Variants in RANBP2 observed in about 807,000 individuals in gnomAD.
RANBP2 encodes E3 SUMO-protein ligase RanBP2.
A neutral mutation model predicts 303.6 loss-of-function variants in RANBP2; 57 were observed. The observed-to-expected ratio is 0.19, with a 90% CI of 0.15 to 0.23. The LOEUF is 0.23. RANBP2 is among the 10% of genes least tolerant of loss of function. RANBP2 has a pLI of 1.00. For missense variants in RANBP2, 3,138 were observed against 3,780.8 expected (o/e 0.83, Z 4.46); for synonymous variants, 1,167 against 1,301.5 (o/e 0.90, Z 2.23).
At chr2:109,356,322 T>C in the RANBP2 span, among the ~76,000 whole-genome samples, 2 of 152,112 alleles carry the variant, frequency 1.3e-5, no homozygotes, top group Admixed American at 6.5e-5. Context: ...CACATTGATA[T>C]TTGAGCCAGA....
At chr2:108,800,696 A>G in the RANBP2 span, among the ~76,000 whole-genome samples, 1 of 106,298 alleles carries the variant, frequency 9.4e-6, no homozygotes, top group Non-Finnish European at 1.7e-5. Context: ...TTACACATGT[A>G]TACATGTGCC....
the RANBP2 span, among the ~76,000 whole-genome samples, chr2:109,632,885 T>G: frequency 6.6e-6 from 1 of 151,904 alleles, no homozygotes; most frequent in Non-Finnish European, 1.5e-5. Context: ...CACACACTAA[T>G]CATTTTAGAT....
At chr2:109,302,373 G>A in the RANBP2 span, among the ~76,000 whole-genome samples, 1 of 152,210 alleles carries the variant, frequency 6.6e-6, no homozygotes, top group Admixed American at 6.5e-5. Flanking sequence ...AATGCTTGCT[G>A]CTTCTGTTCA....
the RANBP2 span, among the ~76,000 whole-genome samples, chr2:109,704,704 A>T: frequency 6.6e-6 from 1 of 152,128 alleles, no homozygotes; most frequent in Admixed American, 6.5e-5. Flanking sequence ...TACAAAAATT[A>T]GCTGGGCGTG....
At chr2:109,709,005 TAAAA>T in the RANBP2 span, among the ~76,000 whole-genome samples, 1 of 145,028 alleles carries the variant, frequency 6.9e-6, no homozygotes, top group African/African-American at 2.6e-5. Flanking sequence ...AAATAAATAA[TAAAA>T]AATAAAAATG....
the RANBP2 span, among the ~76,000 whole-genome samples, chr2:109,556,233 T>G: frequency 6.6e-6 from 1 of 152,218 alleles, no homozygotes; most frequent in South Asian, 2.1e-4. Context: ...TCAGAAACAC[T>G]GAGCCCTTCC....
the RANBP2 span, among the ~76,000 whole-genome samples, chr2:109,584,383 G>A: frequency 2.0e-4 from 29 of 143,532 alleles, no homozygotes; most frequent in East Asian, 4.6e-3. Flanking sequence ...GCTGAGGCAG[G>A]ATAACCGCTT....
At chr2:108,876,136 A>C in the RANBP2 span, 1 of 1,609,146 alleles carries the variant, frequency 6.2e-7, no homozygotes, top group Non-Finnish European at 8.5e-7. Context: ...TGATGCTTCA[A>C]GAAATACAAA....
the RANBP2 span, among the ~76,000 whole-genome samples, chr2:109,624,944 G>A: frequency 6.6e-6 from 1 of 151,834 alleles, no homozygotes; most frequent in African/African-American, 2.4e-5. Flanking sequence ...AGCCTGGAGT[G>A]GTGGTGGGTG....
the RANBP2 span, chr2:109,490,927 C>G: frequency 6.7e-7 from 1 of 1,497,552 alleles, no homozygotes; most frequent in Non-Finnish European, 8.9e-7. Flanking sequence ...AAGCTGTTGC[C>G]CAGAGAGAGG....
the RANBP2 span, among the ~76,000 whole-genome samples, chr2:109,138,221 G>C: frequency 6.6e-6 from 1 of 152,130 alleles, no homozygotes; most frequent in Non-Finnish European, 1.5e-5. Context: ...TAGAGAGGGG[G>C]TTTCACCGTA....
the RANBP2 span, among the ~76,000 whole-genome samples, chr2:109,728,075 G>C: frequency 6.6e-6 from 1 of 152,170 alleles, no homozygotes; most frequent in African/African-American, 2.4e-5. Context: ...CTTTAGTGAT[G>C]CTTGCTCTTG....
the RANBP2 span, among the ~76,000 whole-genome samples, chr2:109,517,562 T>C: frequency 2.6e-5 from 4 of 152,198 alleles, no homozygotes; most frequent in African/African-American, 9.6e-5. Context: ...GGCTGCACTC[T>C]GACGTTGGAA....
At chr2:108,809,866 C>T in the RANBP2 span, among the ~76,000 whole-genome samples, 7 of 152,230 alleles carry the variant, frequency 4.6e-5, no homozygotes, top group East Asian at 1.4e-3. Context: ...AGTGCAGCAG[C>T]ACGATATCTG....
chr2:109,129,961 C>T, the RANBP2 span: 23 of 1,429,226 alleles, frequency 1.6e-5, no homozygotes, highest in Non-Finnish European at 2.1e-5. Context: ...GCGTCCCATC[C>T]CAGGCCAGAG....
the RANBP2 span, among the ~76,000 whole-genome samples, chr2:109,305,732 C>T: frequency 2.4e-4 from 36 of 152,220 alleles, no homozygotes; most frequent in African/African-American, 7.7e-4. Context: ...TGCGGGAGGA[C>T]GCACATTCCA....
chr2:108,740,732 G>A lies in RANBP2; in HGVS notation c.975+51G>A, dbSNP rs373182127. 2.6e-4 allele frequency: 416 copies of A among 1,597,110 alleles called. 2 individuals are homozygous for A. Among genetic ancestry groups the A allele is most frequent in the Admixed American group, 2.2e-4 (13 of 59,962 alleles). ...TTGACATTTCACTGAGTCTTGATGT[G>A]TTTGAAATGAAGGTGTGCTCTGGTA... On this transcript the variant is annotated intron_variant, in intron 7 of 28. Coordinates refer to ENST00000283195, the MANE Select transcript of RANBP2 (RefSeq NM_006267.5).
At chr2:108,862,077 G>GT in the RANBP2 span, among the ~76,000 whole-genome samples, 122,424 of 141,356 alleles carry the variant, frequency 0.87, 53,269 homozygotes, top group East Asian at 0.99. Context: ...TATGATTTCA[G>GT]TTTTTTTTTT....
the RANBP2 span, chr2:108,895,765 A>C: frequency 6.6e-6 from 1 of 152,236 alleles, no homozygotes; most frequent in Admixed American, 6.5e-5. Flanking sequence ...ACTAGAAGCC[A>C]GCTCCCTCGA....
Sources: gnomAD v4.1 joint callset for allele counts (sites outside exome capture counted in the v4.1 genomes callset) on GRCh38, gnomAD v4.1.1 for gene constraint, MANE v1.5 for transcripts, NCBI Gene and HGNC (gene_info 2026-07-23, HGNC 2026-07-21) for gene names.